Variants in NOX5 observed in about 807,000 individuals in gnomAD.
NOX5 encodes the protein NADPH oxidase, EF-hand calcium binding domain 5.
Under a neutral mutation model 85.7 loss-of-function variants are expected in NOX5, and 76 were observed. The observed-to-expected ratio is 0.89, with a 90% CI of 0.74 to 1.07. The LOEUF is 1.07. Ranked by LOEUF, NOX5 falls within the 50% of genes least tolerant of loss-of-function variation. The probability of loss-of-function intolerance (pLI) is 0.00; values close to 1 mark genes in which losing one functional copy is unlikely to be tolerated. For missense variants in NOX5, 973 were observed against 999.5 expected (o/e 0.97, Z 0.36); for synonymous variants, 405 against 401.4 (o/e 1.01, Z -0.11).
chr15:69,022,526 G>T, intron 1 of NOX5: 1 of 170,700 alleles, frequency 5.9e-6, no homozygotes, highest in South Asian at 1.7e-4. Context: ...GTATTATCTG[G>T]AGATGTTCTG....
intron 1 of NOX5, chr15:69,024,265 A>T (rs767387251): frequency 3.9e-5 from 6 of 152,216 alleles, no homozygotes; most frequent in Non-Finnish European, 8.8e-5. Context: ...GAATAATTTG[A>T]TGAGTGTCGA....
chr15:69,035,861 T>C lies in NOX5; in HGVS notation c.1113T>C (p.Gly371=). The C allele has an allele frequency of 6.2e-7, 1 of 1,614,088 alleles. No individual in the cohort carries two copies. ...GWVHGSASPT[G]VALLLLLLLM... is the part of the protein sequence containing the mutation. Reference sequence around the variant, plus strand: ...TACACGGTTCGGCCTCCCCGACAGGTGTCGCTCTGCTGCTGCTGCTCCTCC... The same window carrying C: ...TACACGGTTCGGCCTCCCCGACAGGCGTCGCTCTGCTGCTGCTGCTCCTCC... The change falls in exon 7 of 16, where the codon GGT becomes GGC. Residue 371 remains glycine (G), a synonymous_variant. Transcript: ENST00000388866.
At chr15:69,035,992 C>A in intron 7 of NOX5, 56 bp downstream of exon 7, 1 of 1,599,874 alleles carries the variant, frequency 6.3e-7, no homozygotes, top group Non-Finnish European at 8.5e-7. Context: ...ACTTTCATTT[C>A]TTTCTGTGTC....
rs766601967 is a variant in NOX5 at position 69,060,696 on chromosome 15, TA to T, written c.*4004del. 7 of 152,204 alleles carry T rather than the reference TA, an allele frequency of 4.6e-5. No homozygotes were observed. Among genetic ancestry groups the T allele is most frequent in the Non-Finnish European group, 7.3e-5 (5 of 68,036 alleles). 9.4% of individuals were successfully genotyped at this position (152,204 alleles called of 1,614,324 possible). On this transcript the variant is annotated 3_prime_UTR_variant, in exon 16 of 16. Transcript: ENST00000388866. ...AAGAAACCCCAAATAGGATGTCATG[TA>T]AAAGAAAAGAAAAAACAAGTACCAA...
At position 69,056,948 on chromosome 15, in the gene NOX5, C is replaced by G. The variant is rs980938588; in HGVS notation, c.*252C>G. 8.9e-6 allele frequency: 3 copies of G among 338,424 alleles called. No homozygotes were observed. Among genetic ancestry groups the G allele is most frequent in the African/African-American group, 4.2e-5 (2 of 47,952 alleles). The allele number at this position is 338,424 out of a possible 1,614,324, so 21.0% of individuals were successfully genotyped here. A position where few individuals can be genotyped will look rare whatever the true frequency, so the allele number is the denominator to read the frequency against. On this transcript the variant is annotated 3_prime_UTR_variant, in exon 16 of 16. Transcript: ENST00000388866. ...TGGGGTTTCTGTGAAAGTGAGGGAA[C>G]CAGAGGCTGGTCACGGGAGCTTGGG...
Position 69,031,525 on chromosome 15 carries a change from A to G in NOX5, c.333A>G (p.Ala111=). ...LFQVYDIDVC[A]RQGASAGTEW... is the part of the protein sequence containing the mutation. ...GCCCACCACTTCTTGCAGTGTGTGC[A>G]CGGCAGGGGGCGTCTGCAGGTACAG... Residue 111 remains alanine, a synonymous_variant, in exon 4 of 16, where the codon GCA becomes GCG. Coordinates refer to ENST00000388866, the MANE Select transcript of NOX5 (RefSeq NM_024505.4). The G allele has an allele frequency of 1.2e-6, 2 of 1,606,784 alleles. No individual in the cohort carries two copies. Among genetic ancestry groups the G allele is most frequent in the South Asian group, 2.2e-5 (2 of 91,002 alleles).
chr15:69,050,007 C>T (rs1213559533), intron 14 of NOX5, among the ~76,000 whole-genome samples: 1 of 152,244 alleles, frequency 6.6e-6, no homozygotes, highest in Non-Finnish European at 1.5e-5. Context: ...CTTGTAACCC[C>T]TGGCAACCAC....
intron 15 of NOX5, 131 bp from the exon 16 acceptor site, chr15:69,056,434 C>T (rs2050812283): frequency 8.6e-7 from 1 of 1,160,720 alleles, no homozygotes; most frequent in Admixed American, 2.2e-5. Context: ...TGCCATGCAG[C>T]TCCCTGTGTA....
In NOX5 at chr15:69,056,998, C is replaced by T. The variant is rs1391837465; in HGVS notation, c.*302C>T. 4 of 236,384 alleles carry T rather than the reference C, an allele frequency of 1.7e-5. No individual in the cohort carries two copies. Among genetic ancestry groups the T allele is most frequent in the Non-Finnish European group, 3.3e-5 (4 of 121,546 alleles). 14.6% of individuals were successfully genotyped at this position (236,384 alleles called of 1,614,324 possible). A position where few individuals can be genotyped will look rare whatever the true frequency, so the allele number is the denominator to read the frequency against. On this transcript the variant is annotated 3_prime_UTR_variant, in exon 16 of 16. Coordinates refer to ENST00000388866, the MANE Select transcript of NOX5 (RefSeq NM_024505.4). ...GGGTGGGGTTCGAGGGGGCAGAGGGCAACCACTCCTCCAAACATTTTCCGA... is the reference window on the plus strand; with the variant it reads ...GGGTGGGGTTCGAGGGGGCAGAGGGTAACCACTCCTCCAAACATTTTCCGA...
At chr15:69,040,215 T>A (rs1484599601) in intron 9 of NOX5, among the ~76,000 whole-genome samples, 1 of 152,228 alleles carries the variant, frequency 6.6e-6, no homozygotes, top group Non-Finnish European at 1.5e-5. Context: ...CGGAACAAAG[T>A]TAGAGGTTGG....
intron 3 of NOX5, chr15:69,031,306 C>T (rs2050425405): frequency 5.2e-6 from 3 of 581,528 alleles, no homozygotes; most frequent in Non-Finnish European, 9.1e-6. Context: ...TAGGGAGTTA[C>T]CGATTCTGGA....
chr15:69,040,128 C>T (rs1252315329), intron 9 of NOX5, among the ~76,000 whole-genome samples: 2 of 152,246 alleles, frequency 1.3e-5, no homozygotes, highest in Non-Finnish European at 2.9e-5. Context: ...CGATGTAGAC[C>T]CAAGGCCAGG....
At chr15:69,027,950 A>C (rs2050378966) in intron 2 of NOX5, among the ~76,000 whole-genome samples, 1 of 152,040 alleles carries the variant, frequency 6.6e-6, no homozygotes, top group Admixed American at 6.5e-5. Flanking sequence ...TATGTAGGGG[A>C]CAGAGAGCCC....
chr15:69,029,607 T>C (rs1223790972), intron 3 of NOX5: 1 of 152,176 alleles, frequency 6.6e-6, no homozygotes, highest in African/African-American at 2.4e-5. Context: ...GTGGCTGCAT[T>C]ATTTTACATT....
At position 69,056,557 on chromosome 15, in the gene NOX5, G is replaced by A. The variant is rs552326650; in HGVS notation, c.2167-8G>A. On this transcript the variant is annotated splice_region_variant and splice_polypyrimidine_tract_variant and intron_variant, in intron 15 of 15. Transcript: ENST00000388866. Reference sequence around the variant, plus strand: ...CCCTCTTCTCTTCCTCAACCCCACTGACTCCAGGTGTTCCAGAAAGTGGCT... The same window carrying A: ...CCCTCTTCTCTTCCTCAACCCCACTAACTCCAGGTGTTCCAGAAAGTGGCT... 3 of 1,612,394 alleles carry A rather than the reference G, an allele frequency of 1.9e-6. No homozygotes were observed. In the South Asian group the frequency reaches 3.3e-5, roughly 18 times the overall value.
In NOX5 at chr15:69,028,346, C is replaced by T; in HGVS notation, c.306C>T (p.Phe102=). 1 of 1,608,846 alleles carries T rather than the reference C, an allele frequency of 6.2e-7. No individual in the cohort carries two copies. The highest frequency in any genetic ancestry group is 8.5e-7 in the Non-Finnish European group (1 of 1,177,226). Residue 102 remains phenylalanine, a synonymous_variant, in exon 3 of 16, where the codon TTC becomes TTT. Coordinates refer to ENST00000388866, the MANE Select transcript of NOX5 (RefSeq NM_024505.4). The part of the protein sequence containing the change: ...GSPMDKLKFL[F]QVYDIDVCAR... ...CCATGGACAAACTCAAATTCCTCTT[C>T]CAGGTGTATGACATCGATGGTAAGG...
At chr15:69,037,426 C>A in intron 8 of NOX5, 1 of 556,214 alleles carries the variant, frequency 1.8e-6, no homozygotes, top group Non-Finnish European at 3.2e-6. Context: ...AGGCAATAAA[C>A]CTCTAAAATC....
At chr15:69,039,676 C>G (rs1428588981) in intron 9 of NOX5, among the ~76,000 whole-genome samples, 1 of 152,158 alleles carries the variant, frequency 6.6e-6, no homozygotes, top group Non-Finnish European at 1.5e-5. Context: ...TTATAGAGCC[C>G]CAAGGCAGCA....
At chr15:69,037,478 T>A (rs2050537596) in intron 8 of NOX5, 1 of 441,320 alleles carries the variant, frequency 2.3e-6, no homozygotes, top group Non-Finnish European at 4.1e-6. Context: ...AGTAAGCGTT[T>A]ATTAGTGCCT....
Sources: gnomAD v4.1 joint callset for allele counts (sites outside exome capture counted in the v4.1 genomes callset) on GRCh38, gnomAD v4.1.1 for gene constraint, MANE v1.5 for transcripts, NCBI Gene and HGNC (gene_info 2026-07-23, HGNC 2026-07-21) for gene names.